SLC6A12: variants seen among roughly 807,000 people sequenced by gnomAD.
SLC6A12 encodes the protein solute carrier family 6 member 12.
In SLC6A12, 50 loss-of-function variants were observed where a neutral mutation model predicts 73.3. The ratio of observed to expected loss-of-function variants is 0.68; its 90% CI spans 0.54 to 0.86. The LOEUF is 0.86. SLC6A12 is among the 40% of genes least tolerant of loss of function. The pLI, the probability that SLC6A12 is intolerant of heterozygous loss-of-function variation, is 0.00. For synonymous variants in SLC6A12, 304 were observed against 309.2 expected (o/e 0.98, Z 0.18); for missense variants, 648 against 772.8 (o/e 0.84, Z 1.92).
intron 9 of SLC6A12, 120 bp downstream of exon 9, chr12:197,780 G>A: frequency 1.4e-6 from 1 of 727,646 alleles, no homozygotes; most frequent in Non-Finnish European, 2.3e-6. Context: ...CATAAGTTCA[G>A]TCTGATACAA....
chr12:203,570 G>C (rs1338425085), intron 4 of SLC6A12: 4 of 152,060 alleles, frequency 2.6e-5, no homozygotes. Flanking sequence ...CGGGGAGCGG[G>C]CGGGGCGTTG....
chr12:198,951 C>A lies in SLC6A12; in HGVS notation c.712-20G>T, dbSNP rs906290371. 7 of 1,613,592 alleles carry A rather than the reference C, an allele frequency of 4.3e-6. No homozygotes were observed. The highest frequency in any genetic ancestry group is 5.9e-6 in the Non-Finnish European group (7 of 1,179,678). On this transcript the variant is annotated intron_variant, in intron 7 of 15. Transcript: ENST00000684302. This position sits in a 1 kb window ranked among gnomAD's most constrained non-coding sequence, Gnocchi z 4.0. ...AACCACCTGGAGGTGGGGGGACAGG[C>A]CAAGGTCACTCCTGGTGGGGACGCA...
rs781110231 is a variant in SLC6A12 at position 198,855 on chromosome 12, G to A, written c.788C>T (p.Ala263Val). 1.9e-6 allele frequency: 3 copies of A among 1,614,140 alleles called. No homozygotes were observed. In the South Asian group the frequency reaches 3.3e-5, roughly 18 times the overall value. ...LLIRGVTLPG[A>V]YQGIIYYLKP... ...CAAGTAGTAGATGATGCCCTGGTAG[G>A]CTCCGGGAAGGGTGACACCTCTGAT... The change falls in exon 8 of 16, where the codon GCC becomes GTC. Residue 263 changes from alanine to valine, a missense_variant. Physicochemically the swap from Ala to Val is moderately conservative, Grantham distance 64. Coordinates refer to ENST00000684302, the MANE Select transcript of SLC6A12 (RefSeq NM_001122848.3). The surrounding 1 kb of genome is among the most constrained non-coding windows in gnomAD (Gnocchi z 4.0).
At chr12:184,905 C>A in the SLC6A12 span, among the ~76,000 whole-genome samples, 5 of 149,626 alleles carry the variant, frequency 3.3e-5, no homozygotes, top group African/African-American at 5.0e-5. Context: ...TGCGCTCCAG[C>A]CTGGGGGACA....
At chr12:203,582 G>A (rs1434665129) in intron 4 of SLC6A12, 1 of 152,046 alleles carries the variant, frequency 6.6e-6, no homozygotes, top group Non-Finnish European at 1.5e-5. Flanking sequence ...GGGGCGTTGA[G>A]AGCGCGCACA....
chr12:187,628 A>C (rs1315220394), downstream of SLC6A12, among the ~76,000 whole-genome samples: 21 of 44,834 alleles, frequency 4.7e-4, no homozygotes, highest in South Asian at 8.9e-3. Flanking sequence ...AAAAAAAAAA[A>C]AAACAAACCA....
intron 14 of SLC6A12, 144 bp from the exon 15 acceptor site, chr12:192,792 C>A: frequency 1.4e-6 from 1 of 722,012 alleles, no homozygotes; most frequent in Non-Finnish European, 2.3e-6. Context: ...CTGCAAATCC[C>A]AGGCCAAGGC....
At position 198,969 on chromosome 12, in the gene SLC6A12, G is replaced by C; in HGVS notation, c.712-38C>G. ...GGACAGGCCAAGGTCACTCCTGGTG[G>C]GGACGCAGTGGCCCTCCAGCCACGC... On this transcript the variant is annotated intron_variant, in intron 7 of 15. Transcript: ENST00000684302. The surrounding 1 kb of genome is among the most constrained non-coding windows in gnomAD (Gnocchi z 4.0). 1.2e-6 allele frequency: 2 copies of C among 1,610,338 alleles called. No individual in the cohort carries two copies. The highest frequency in any genetic ancestry group is 1.7e-6 in the Non-Finnish European group (2 of 1,177,444).
intron 4 of SLC6A12, 37 bp from the exon 5 acceptor site, chr12:202,917 A>G: frequency 6.3e-7 from 1 of 1,597,366 alleles, no homozygotes. Flanking sequence ...GGGACAAGAG[A>G]GATCAATGTT....
chr12:191,854 A>AC (rs1939614854), intron 15 of SLC6A12, among the ~76,000 whole-genome samples: 1 of 152,252 alleles, frequency 6.6e-6, no homozygotes, highest in Non-Finnish European at 1.5e-5. Context: ...AAGCAGCCAA[A>AC]CCAAATACCA....
In SLC6A12 at chr12:196,157, C is replaced by A. The variant is rs754186032; in HGVS notation, c.1293G>T (p.Met431Ile). Residue 431 changes from methionine to isoleucine, a missense_variant, in exon 12 of 16, where the codon ATG (methionine) becomes ATT (isoleucine). By Grantham distance (10) the Met-to-Ile change is conservative. Coordinates refer to ENST00000684302, the MANE Select transcript of SLC6A12 (RefSeq NM_001122848.3). ...CCAGGAAAAGCCCTATCAGGTAGCA[C>A]ATGACGGCGATGGTGAGGATGAGGA... ...RELLILTIAV[M>I]CYLIGLFLVT... is the part of the protein sequence containing the mutation. The A allele has an allele frequency of 3.2e-6, 5 of 1,569,898 alleles. No homozygotes were observed. The East Asian group carries it at 1.1e-4, about 36-fold the overall frequency.
downstream of SLC6A12, among the ~76,000 whole-genome samples, chr12:187,565 G>A (rs893602652): frequency 7.5e-5 from 9 of 119,756 alleles, no homozygotes; most frequent in Non-Finnish European, 1.0e-4. Context: ...ACAGTGAGCA[G>A]CAGCAAGATT....
chr12:203,643 G>A (rs987119213), intron 4 of SLC6A12: 1 of 152,206 alleles, frequency 6.6e-6, no homozygotes, highest in African/African-American at 2.4e-5. Flanking sequence ...GCGGCGGAAC[G>A]CGCTGTGCTC....
downstream of SLC6A12, among the ~76,000 whole-genome samples, chr12:187,723 G>GC (rs1178771755): frequency 2.0e-5 from 3 of 149,452 alleles, no homozygotes; most frequent in Non-Finnish European, 2.9e-5. Flanking sequence ...CTCTTACCTG[G>GC]CCCCACCCAC....
At chr12:201,065 G>A (rs924393003) in intron 6 of SLC6A12, among the ~76,000 whole-genome samples, 2 of 152,192 alleles carry the variant, frequency 1.3e-5, no homozygotes, top group African/African-American at 4.8e-5. Context: ...CGTTTAGAGA[G>A]TAGATATTTA....
rs756958875 is a variant in SLC6A12 at position 198,839 on chromosome 12, G to A, written c.804C>T (p.Ile268=). 1 of 1,614,192 alleles carries A rather than the reference G, an allele frequency of 6.2e-7. No homozygotes were observed. The highest frequency in any genetic ancestry group is 8.5e-7 in the Non-Finnish European group (1 of 1,180,002). Residue 268 remains isoleucine (I), a synonymous_variant, in exon 8 of 16, where the codon ATC becomes ATT. Transcript: ENST00000684302. The surrounding 1 kb of genome is among the most constrained non-coding windows in gnomAD (Gnocchi z 4.0). The part of the protein sequence containing the change: ...VTLPGAYQGI[I]YYLKPDLFRL... ...GGAACAAATCTGGCTTCAAGTAGTAGATGATGCCCTGGTAGGCTCCGGGAA... is the reference window on the plus strand; with the variant it reads ...GGAACAAATCTGGCTTCAAGTAGTAAATGATGCCCTGGTAGGCTCCGGGAA...
rs1306755725 is a variant in SLC6A12 at position 214,126 on chromosome 12, T to C, written c.-347A>G. The C allele has an allele frequency of 6.5e-6, 1 of 152,686 alleles. No homozygotes were observed. Among genetic ancestry groups the C allele is most frequent in the East Asian group, 1.9e-4 (1 of 5,204 alleles). The allele number at this position is 152,686 out of a possible 1,614,324, so 9.5% of individuals were successfully genotyped here. A position where few individuals can be genotyped will look rare whatever the true frequency, so the allele number is the denominator to read the frequency against. On this transcript the variant is annotated 5_prime_UTR_variant, in exon 1 of 16. Transcript: ENST00000684302. The surrounding 1 kb of genome is among the most constrained non-coding windows in gnomAD (Gnocchi z 4.2). ...GGGACTCCCAGACAGAAAGAAGCCG[T>C]GTGTGTATGTGTTGGGGCGGGGGCT...
Position 209,549 on chromosome 12 carries a change from T to C in SLC6A12, c.214+224A>G, listed in dbSNP as rs1940816327. 3 of 587,198 alleles carry C rather than the reference T, an allele frequency of 5.1e-6. No homozygotes were observed. The East Asian group carries it at 8.6e-5, about 17-fold the overall frequency. 36.4% of individuals were successfully genotyped at this position (587,198 alleles called of 1,614,324 possible). A position where few individuals can be genotyped will look rare whatever the true frequency, so the allele number is the denominator to read the frequency against. The stretch of plus-strand genomic sequence containing the variant: ...AACTAGAATTTCTTGGTCCTGCCCA[T>C]TGCCCAGTTTCATCTTCACCGTCAC... On this transcript the variant is annotated intron_variant, in intron 3 of 15. Coordinates refer to ENST00000684302, the MANE Select transcript of SLC6A12 (RefSeq NM_001122848.3).
chr12:204,649 C>A lies in SLC6A12; in HGVS notation c.264G>T (p.Pro88=), dbSNP rs200422729. 55 of 1,614,030 alleles carry A rather than the reference C, an allele frequency of 3.4e-5. No individual in the cohort carries two copies. Among genetic ancestry groups the A allele is most frequent in the Non-Finnish European group, 4.4e-5 (52 of 1,180,024 alleles). The stretch of plus-strand genomic sequence containing the variant: ...CCAACGCCACCTCCAGGAAGAACAC[C>A]GGGATGCCGCAGACAAAGAAGAAGA... The part of the protein sequence containing the change: ...YFIFFFVCGI[P]VFFLEVALGQ... Residue 88 remains proline, a synonymous_variant, in exon 4 of 16, where the codon CCG becomes CCT. Transcript: ENST00000684302.
Sources: gnomAD v4.1 joint callset for allele counts (sites outside exome capture counted in the v4.1 genomes callset) on GRCh38, gnomAD v4.1.1 for gene constraint, Gnocchi (gnomAD v3.1) non-coding constraint, MANE v1.5 for transcripts, NCBI Gene and HGNC (gene_info 2026-07-23, HGNC 2026-07-21) for gene names.